Variants in ZFHX3 observed in about 807,000 individuals in gnomAD.
ZFHX3 encodes the protein zinc finger homeobox 3.
ZFHX3 carries 42 observed loss-of-function variants against 279.1 expected under a neutral mutation model. The ratio of observed to expected loss-of-function variants is 0.15; its 90% CI spans 0.12 to 0.19. The LOEUF is 0.19. ZFHX3 is among the 10% of genes least tolerant of loss of function. The probability of loss-of-function intolerance (pLI) is 1.00; values close to 1 mark genes in which losing one functional copy is unlikely to be tolerated. For missense variants in ZFHX3, 4,981 were observed against 4,754.0 expected (o/e 1.05, Z -1.40); for synonymous variants, 2,293 against 1,957.8 (o/e 1.17, Z -4.52).
intron 1 of ZFHX3, among the ~76,000 whole-genome samples, chr16:73,803,939 G>C (rs1270617793): frequency 6.6e-6 from 1 of 152,110 alleles, no homozygotes; most frequent in Non-Finnish European, 1.5e-5. Context: ...GCATGCAGAT[G>C]GCTTGAGCCC....
At chr16:73,137,867 AT>A (rs923691666) in intron 6 of ZFHX3, among the ~76,000 whole-genome samples, 3 of 151,342 alleles carry the variant, frequency 2.0e-5, no homozygotes, top group Non-Finnish European at 2.9e-5. Context: ...GCTACTCAAA[AT>A]TTTTTTTGTA....
intron 1 of ZFHX3, among the ~76,000 whole-genome samples, chr16:72,970,272 C>G (rs1054837597): frequency 6.6e-6 from 1 of 151,502 alleles, no homozygotes; most frequent in Non-Finnish European, 1.5e-5. Context: ...GAATCAAAAC[C>G]AAACCCATGA....
intron 1 of ZFHX3, among the ~76,000 whole-genome samples, chr16:73,747,270 A>T (rs1049001555): frequency 6.6e-6 from 1 of 152,096 alleles, no homozygotes; most frequent in South Asian, 2.1e-4. Flanking sequence ...TGTAGTCCCA[A>T]CCACTTAGAA....
intron 5 of ZFHX3, among the ~76,000 whole-genome samples, chr16:73,241,231 T>C (rs2013112057): frequency 6.6e-6 from 1 of 152,226 alleles, no homozygotes; most frequent in Non-Finnish European, 1.5e-5. Context: ...TCTTTTGAGC[T>C]AAATCTTGCC....
chr16:72,860,565 G>T (rs1420823827), intron 4 of ZFHX3, among the ~76,000 whole-genome samples: 1 of 152,062 alleles, frequency 6.6e-6, no homozygotes, highest in African/African-American at 2.4e-5. Context: ...CGAGGAGCTG[G>T]GACTACAGGC....
chr16:73,450,159 TG>T (rs1056841848), intron 3 of ZFHX3, among the ~76,000 whole-genome samples: 2 of 152,218 alleles, frequency 1.3e-5, no homozygotes, highest in African/African-American at 4.8e-5. Context: ...GTGTGTTTGC[TG>T]GGGGTGAAGG....
chr16:73,533,260 C>T (rs1014618660), intron 2 of ZFHX3, among the ~76,000 whole-genome samples: 2 of 151,842 alleles, frequency 1.3e-5, no homozygotes, highest in Non-Finnish European at 2.9e-5. Flanking sequence ...ATGAAGGATT[C>T]AGAAGTGAAC....
chr16:73,074,738 ACACT>A (rs1257579041), intron 8 of ZFHX3, among the ~76,000 whole-genome samples: 1 of 151,690 alleles, frequency 6.6e-6, no homozygotes, highest in Non-Finnish European at 1.5e-5. Context: ...TCGCATTGAA[ACACT>A]CAGTGTAAGT....
At chr16:73,771,640 C>G (rs888556158) in intron 1 of ZFHX3, among the ~76,000 whole-genome samples, 2 of 149,912 alleles carry the variant, frequency 1.3e-5, no homozygotes, top group African/African-American at 4.8e-5. Flanking sequence ...AGTACCTAGT[C>G]TGATGTTCCT....
chr16:73,400,754 T>C (rs2017234378), intron 3 of ZFHX3: 1 of 152,158 alleles, frequency 6.6e-6, no homozygotes, highest in Non-Finnish European at 1.5e-5. Context: ...CTTTTCCGGG[T>C]TGGTGGCTCT....
At chr16:73,500,814 G>A (rs901897072) in intron 2 of ZFHX3, among the ~76,000 whole-genome samples, 1 of 151,744 alleles carries the variant, frequency 6.6e-6, no homozygotes, top group African/African-American at 2.4e-5. Context: ...GTTTATAAAG[G>A]AAAAAAGTTA....
chr16:73,535,713 G>A (rs1213269647), intron 2 of ZFHX3, among the ~76,000 whole-genome samples: 1 of 141,308 alleles, frequency 7.1e-6, no homozygotes, highest in Non-Finnish European at 1.5e-5. Flanking sequence ...GGTTCTATGT[G>A]CCCCCTATCT....
At chr16:73,670,683 G>A (rs1372268122) in intron 2 of ZFHX3, among the ~76,000 whole-genome samples, 1 of 152,102 alleles carries the variant, frequency 6.6e-6, no homozygotes, top group African/African-American at 2.4e-5. Flanking sequence ...CAAAACATAT[G>A]CACCAAATTT....
intron 5 of ZFHX3, among the ~76,000 whole-genome samples, chr16:73,212,508 G>T (rs149479081): frequency 6.6e-5 from 10 of 152,252 alleles, no homozygotes; most frequent in African/African-American, 2.4e-4. Context: ...AAACAATCCT[G>T]CTGTGAACAT....
chr16:72,812,089 C>A (rs2143598926), intron 5 of ZFHX3, 51 bp from the exon 6 acceptor site: 1 of 1,592,416 alleles, frequency 6.3e-7, no homozygotes, highest in East Asian at 2.2e-5. Flanking sequence ...AGGCCAGCTC[C>A]CAGAGGGTTT....
chr16:73,770,655 C>T (rs747544915), intron 1 of ZFHX3, among the ~76,000 whole-genome samples: 9 of 152,178 alleles, frequency 5.9e-5, no homozygotes, highest in Non-Finnish European at 1.3e-4. Context: ...AGATAGTAGA[C>T]ATTTTCCAAG....
chr16:72,988,436 C>T (rs1426266527), intron 1 of ZFHX3, among the ~76,000 whole-genome samples: 4 of 152,168 alleles, frequency 2.6e-5, no homozygotes, highest in Non-Finnish European at 5.9e-5. Flanking sequence ...ATCGAGGGGT[C>T]GATATGCAGG....
intron 6 of ZFHX3, chr16:73,137,186 G>T (rs1966810314): frequency 6.6e-6 from 1 of 152,168 alleles, no homozygotes; most frequent in South Asian, 2.1e-4. Context: ...ACTGCAGAGA[G>T]CTAGCCAGTG....
intron 3 of ZFHX3, among the ~76,000 whole-genome samples, chr16:73,371,824 A>C (rs1054323776): frequency 2.6e-4 from 40 of 152,158 alleles, no homozygotes; most frequent in African/African-American, 8.9e-4. Context: ...AAATAGTTCA[A>C]AGTCTCTCTT....
Sources: gnomAD v4.1 joint callset for allele counts (sites outside exome capture counted in the v4.1 genomes callset) on GRCh38, gnomAD v4.1.1 for gene constraint, MANE v1.5 for transcripts, NCBI Gene and HGNC (gene_info 2026-07-23, HGNC 2026-07-21) for gene names.